NBPF26: variants seen among roughly 807,000 people sequenced by gnomAD.
NBPF26 encodes NBPF member 26.
Under a neutral mutation model 119.6 loss-of-function variants are expected in NBPF26, and 79 were observed. The ratio of observed to expected loss-of-function variants is 0.66; its 90% confidence interval spans 0.55 to 0.80. NBPF26 has a LOEUF of 0.80. NBPF26 is among the 30% of genes least tolerant of loss of function. The pLI is 0.00. For missense variants in NBPF26, 800 were observed against 1,198.2 expected, an observed-to-expected ratio of 0.67 and a Z score of 4.91; for synonymous variants, 299 against 457.7, an observed-to-expected ratio of 0.65 and a Z score of 4.43.
In NBPF26 at chr1:120,790,668, C is replaced by T. The variant is rs1244172124; in HGVS notation, c.416-2493C>T. 3.7e-5 allele frequency among the ~76,000 whole-genome samples: 4 copies of T among 108,934 alleles called. 1 individual carries two copies. The highest frequency in any genetic ancestry group is 6.9e-5 in the Non-Finnish European group (4 of 58,302). The allele number at this position is 108,934 out of a possible 152,430, so 71.5% of individuals were successfully genotyped here. ...GTTGCTTAGTACAGTGGCGCAGTCTCGGCTCACTGCAACCTCCACCTCTTG... is the reference window on the plus strand; with the variant it reads ...GTTGCTTAGTACAGTGGCGCAGTCTTGGCTCACTGCAACCTCCACCTCTTG... On this transcript the variant is annotated intron_variant, in intron 3 of 29. Coordinates refer to ENST00000620612, the Ensembl canonical transcript of NBPF26.
chr1:120,784,629 T>C lies in NBPF26; in HGVS notation c.156-345T>C, dbSNP rs2101453317. Among the ~76,000 whole-genome samples, 2 of 118,604 alleles carry C rather than the reference T, an allele frequency of 1.7e-5. 1 individual carries two copies. Among genetic ancestry groups the C allele is most frequent in the South Asian group, 4.9e-4 (2 of 4,058 alleles). The allele number at this position is 118,604 out of a possible 152,430, so 77.8% of individuals were successfully genotyped here. ...TCTCTTTGCTCACCCCACACCCTCATCCCCAGTTCCATTCCATTCCTTCCT... is the reference window on the plus strand; with the variant it reads ...TCTCTTTGCTCACCCCACACCCTCACCCCCAGTTCCATTCCATTCCTTCCT... On this transcript the variant is annotated intron_variant, in intron 2 of 29. Coordinates refer to ENST00000620612, the Ensembl canonical transcript of NBPF26.
At position 120,724,322 on chromosome 1, in the gene NBPF26, A is replaced by G. The variant is rs1327071679; in HGVS notation, c.73+72A>G. On this transcript the variant is annotated intron_variant, in intron 1 of 29. Coordinates refer to ENST00000620612, the Ensembl canonical transcript of NBPF26. Reference sequence around the variant, plus strand: ...ACCTGGGGCGACCCTTCTCCCCCTCAGTCCTTCTCTGTGTGGGAAGGCCAG... The same window carrying G: ...ACCTGGGGCGACCCTTCTCCCCCTCGGTCCTTCTCTGTGTGGGAAGGCCAG... The G allele has an allele frequency of 3.4e-3, 4,581 of 1,360,162 alleles. 904 individuals are homozygous for G. The East Asian group carries it at 0.089, about 26-fold the overall frequency. The allele number at this position is 1,360,162 out of a possible 1,614,324, so 84.3% of individuals were successfully genotyped here. A position where few individuals can be genotyped will look rare whatever the true frequency, so the allele number is the denominator to read the frequency against.
intron 1 of NBPF26, among the ~76,000 whole-genome samples, chr1:120,724,687 C>T (rs1650798104): frequency 8.0e-6 from 1 of 124,608 alleles, no homozygotes; most frequent in Non-Finnish European, 1.6e-5. Context: ...GCCGCCAAGC[C>T]AAACGGCCTG....
At chr1:120,764,740 G>A (rs1185663963) in intron 2 of NBPF26, among the ~76,000 whole-genome samples, 1 of 114,492 alleles carries the variant, frequency 8.7e-6, no homozygotes, top group Non-Finnish European at 1.7e-5. Flanking sequence ...TTTTTAAGAG[G>A]AATATGTATC....
rs1163633827 is a variant in NBPF26, at chr1:120,723,972, G to A, written c.-206G>A. 5.0e-5 allele frequency: 55 copies of A among 1,092,066 alleles called. 10 individuals carry two copies. The highest frequency in any genetic ancestry group is 6.3e-4 in the Middle Eastern group (2 of 3,160). 67.6% of individuals were successfully genotyped at this position (1,092,066 alleles called of 1,614,324 possible). A position where few individuals can be genotyped will look rare whatever the true frequency, so the allele number is the denominator to read the frequency against. On this transcript the variant is annotated 5_prime_UTR_variant, in exon 1 of 30. Transcript: ENST00000620612. The stretch of plus-strand genomic sequence containing the variant: ...CCAAACTTCCGGCGGCGGCTGAGGC[G>A]GCGGCCGAGGAGCGGCGGACTCGGG...
At chr1:120,752,530 A>ATG (rs1230439560) in intron 1 of NBPF26, among the ~76,000 whole-genome samples, 2 of 13,316 alleles carry the variant, frequency 1.5e-4, no homozygotes, top group East Asian at 2.6e-3. Context: ...ATATATATAT[A>ATG]TATATATATA....
rs1452692804 is a variant in NBPF26, at chr1:120,789,498, A to T, written c.416-3663A>T. Among the ~76,000 whole-genome samples, 8 of 113,942 alleles carry T rather than the reference A, an allele frequency of 7.0e-5. 2 individuals are homozygous for T. Among genetic ancestry groups the T allele is most frequent in the African/African-American group, 1.1e-4 (2 of 18,804 alleles). The allele number at this position is 113,942 out of a possible 152,430, so 74.8% of individuals were successfully genotyped here. A position where few individuals can be genotyped will look rare whatever the true frequency, so the allele number is the denominator to read the frequency against. On this transcript the variant is annotated intron_variant, in intron 3 of 29. Coordinates refer to ENST00000620612, the Ensembl canonical transcript of NBPF26. ...CAAGAGAAAATTAGGAAGAAGCAAA[A>T]GCAGAACCCCTGAGGAACCCATCAG...
chr1:120,840,299 G>C, intron 29 of NBPF26, 51 bp from the exon 36 acceptor site: 2 of 1,444,108 alleles, frequency 1.4e-6, no homozygotes, highest in East Asian at 4.6e-5. Flanking sequence ...GTGGGGCTCT[G>C]TGGTGTCCGA....
At chr1:120,832,440 C>A (rs1360201303) in intron 22 of NBPF26, among the ~76,000 whole-genome samples, 1 of 93,290 alleles carries the variant, frequency 1.1e-5, no homozygotes, top group Non-Finnish European at 1.9e-5. Flanking sequence ...ATTCAGAGAA[C>A]TATGATTTTG....
At chr1:120,818,097 AC>A in intron 14 of NBPF26, 25 bp from the exon 15 acceptor site, 1 of 516,830 alleles carries the variant, frequency 1.9e-6, no homozygotes, top group Non-Finnish European at 3.3e-6. Context: ...GCTTAATGTG[AC>A]CTGCTTCTCT....
At chr1:120,842,109 C>A (rs1652531153), downstream of NBPF26, among the ~76,000 whole-genome samples, 1 of 109,826 alleles carries the variant, frequency 9.1e-6, no homozygotes, top group Admixed American at 8.8e-5. Flanking sequence ...CTTTTGCTAT[C>A]ACTCTGGACT....
chr1:120,784,625 C>T (rs1210471881), intron 2 of NBPF26, among the ~76,000 whole-genome samples: 1 of 118,630 alleles, frequency 8.4e-6, no homozygotes, highest in Non-Finnish European at 1.6e-5. Flanking sequence ...ACCCCACACC[C>T]TCATCCCCAG....
In NBPF26 at chr1:120,784,378, T is replaced by A. The variant is rs1651398930; in HGVS notation, c.156-596T>A. Among the ~76,000 whole-genome samples, 2 of 116,448 alleles carry A rather than the reference T, an allele frequency of 1.7e-5. 1 individual carries two copies. The highest frequency in any genetic ancestry group is 1.6e-4 in the Admixed American group (2 of 12,182). 76.4% of individuals were successfully genotyped at this position (116,448 alleles called of 152,430 possible). A position where few individuals can be genotyped will look rare whatever the true frequency, so the allele number is the denominator to read the frequency against. ...GCTTAAAGGCCCCAATTGATCCACATCCCAGTTACAGCTCTCATCTATTTT... is the reference window on the plus strand; with the variant it reads ...GCTTAAAGGCCCCAATTGATCCACAACCCAGTTACAGCTCTCATCTATTTT... On this transcript the variant is annotated intron_variant, in intron 2 of 29. Coordinates refer to ENST00000620612, the Ensembl canonical transcript of NBPF26.
In NBPF26 at chr1:120,823,541, C is replaced by T. The variant is rs1478528724; in HGVS notation, c.2639+181C>T. Among the ~76,000 whole-genome samples the T allele has an allele frequency of 2.6e-5, 3 of 114,508 alleles. 1 individual carries two copies. Among genetic ancestry groups the T allele is most frequent in the African/African-American group, 1.0e-4 (2 of 19,822 alleles). 75.1% of individuals were successfully genotyped at this position (114,508 alleles called of 152,430 possible). A position where few individuals can be genotyped will look rare whatever the true frequency, so the allele number is the denominator to read the frequency against. Reference sequence around the variant, plus strand: ...TCTTTAGGTTTCCATTTCTTCCTACCCTTATCATTTACTAACCTAGTGAAA... The same window carrying T: ...TCTTTAGGTTTCCATTTCTTCCTACTCTTATCATTTACTAACCTAGTGAAA... On this transcript the variant is annotated intron_variant, in intron 17 of 29. Coordinates refer to ENST00000620612, the Ensembl canonical transcript of NBPF26.
intron 4 of NBPF26, among the ~76,000 whole-genome samples, chr1:120,801,776 C>T (rs1275821410): frequency 1.4e-5 from 1 of 73,972 alleles, no homozygotes; most frequent in Non-Finnish European, 2.2e-5. Flanking sequence ...TTGCAGTGAT[C>T]TATAATCACC....
chr1:120,770,476 T>C lies in NBPF26; in HGVS notation c.155+6767T>C, dbSNP rs1651250534. Reference sequence around the variant, plus strand: ...GAGCCACCACACCCAGCCGAGGACATAGGTTTTTTTATGCCAGATAGACTT... The same window carrying C: ...GAGCCACCACACCCAGCCGAGGACACAGGTTTTTTTATGCCAGATAGACTT... On this transcript the variant is annotated intron_variant, in intron 2 of 29. Transcript: ENST00000620612. 1.8e-5 allele frequency among the ~76,000 whole-genome samples: 2 copies of C among 113,954 alleles called. 1 individual carries two copies. The highest frequency in any genetic ancestry group is 1.6e-4 in the Admixed American group (2 of 12,202). The allele number at this position is 113,954 out of a possible 152,430, so 74.8% of individuals were successfully genotyped here. A position where few individuals can be genotyped will look rare whatever the true frequency, so the allele number is the denominator to read the frequency against.
chr1:120,818,044 G>C, intron 14 of NBPF26, 79 bp from the exon 15 acceptor site: 1 of 512,980 alleles, frequency 1.9e-6, no homozygotes, highest in Non-Finnish European at 3.3e-6. Flanking sequence ...ATGTCCTTGT[G>C]CTATGACTGG....
Position 120,805,652 on chromosome 1 carries a change from A to G in NBPF26, c.848A>G (p.Asn283Ser). The change falls in exon 5 of 30, where the codon AAC (asparagine) becomes AGC (serine). Residue 283 changes from asparagine (N) to serine (S), a missense_variant. Around this residue, in one of 13 missense-constraint regions of NBPF26, gnomAD observed 155 missense variants for 143.7 expected, o/e 1.08. Transcript: ENST00000620612. Reference sequence around the variant, plus strand: ...GCAGAGATGAACATTCTAGAAATCAACGAGACATTGCGCCCCCAGCTGCCA... The same window carrying G: ...GCAGAGATGAACATTCTAGAAATCAGCGAGACATTGCGCCCCCAGCTGCCA... 2 of 1,459,876 alleles carry G rather than the reference A, an allele frequency of 1.4e-6. 1 individual carries two copies. Among genetic ancestry groups the G allele is most frequent in the Non-Finnish European group, 1.9e-6 (2 of 1,079,590 alleles). The allele number at this position is 1,459,876 out of a possible 1,614,324, so 90.4% of individuals were successfully genotyped here.
At chr1:120,780,036 TCA>T (rs1221641796) in intron 2 of NBPF26, among the ~76,000 whole-genome samples, 1 of 131,424 alleles carries the variant, frequency 7.6e-6, no homozygotes, top group African/African-American at 3.3e-5. Context: ...ACCAGGCAGA[TCA>T]CAGAGTAGAG....
Sources: gnomAD v4.1 joint callset for allele counts (sites outside exome capture counted in the v4.1 genomes callset) on GRCh38, gnomAD v4.1.1 for gene constraint, gnomAD v4.1.1 regional missense constraint, MANE v1.5 for transcripts, NCBI Gene and HGNC (gene_info 2026-07-23, HGNC 2026-07-21) for gene names.